CNTNAP4: variants seen among roughly 807,000 people sequenced by gnomAD.
CNTNAP4 encodes the protein contactin-associated protein-like 4.
Under a neutral mutation model 148.4 loss-of-function variants are expected in CNTNAP4, and 98 were observed. The observed-to-expected ratio is 0.66, with a 90% CI of 0.56 to 0.78. The LOEUF (loss-of-function observed/expected upper bound fraction) is 0.78, where lower values mean the gene tolerates loss of function less well. Among genes scored for constraint, CNTNAP4 ranks in the 30% least tolerant of loss-of-function variants. CNTNAP4 has a pLI of 0.00. For missense variants in CNTNAP4, 1,935 were observed against 1,565.6 expected (o/e 1.24, Z -3.98); for synonymous variants, 730 against 565.1 (o/e 1.29, Z -4.14).
intron 13 of CNTNAP4, among the ~76,000 whole-genome samples, chr16:76,491,847 T>A (rs949339863): frequency 1.1e-5 from 1 of 87,692 alleles, no homozygotes; most frequent in Non-Finnish European, 2.8e-5. Context: ...GGCTGAATGA[T>A]ATCCCATTGT....
intron 2 of CNTNAP4, among the ~76,000 whole-genome samples, chr16:76,341,088 C>T (rs1401694868): frequency 6.6e-6 from 1 of 152,180 alleles, no homozygotes; most frequent in Non-Finnish European, 1.5e-5. Flanking sequence ...TGCCTCTGCT[C>T]TTTTTATGGG....
intron 1 of CNTNAP4, among the ~76,000 whole-genome samples, chr16:76,312,337 G>C (rs1961215537): frequency 6.6e-6 from 1 of 152,154 alleles, no homozygotes; most frequent in South Asian, 2.1e-4. Flanking sequence ...ATTACCTCTG[G>C]TTGAGAACCT....
rs544743374 is a variant in CNTNAP4, at chr16:76,294,169, G to T, written c.85+16422G>T. ...TCTTCCAGTCAGGGTGGTGAGGTAC[G>T]ATGATAAATGTGTCGCAATCCCTGC... On this transcript the variant is annotated intron_variant, in intron 1 of 23. Coordinates refer to ENST00000611870, the MANE Select transcript of CNTNAP4 (RefSeq NM_033401.5). 6.4e-4 allele frequency among the ~76,000 whole-genome samples: 98 copies of T among 152,252 alleles called. 1 individual carries two copies. The South Asian group carries it at 0.019, about 30-fold the overall frequency.
intron 3 of CNTNAP4, among the ~76,000 whole-genome samples, chr16:76,406,049 G>C (rs4517823): frequency 0.73 from 111,151 of 151,828 alleles, 42,244 homozygotes; most frequent in Non-Finnish European, 0.84. Flanking sequence ...AACTATGTCT[G>C]TACAAAAAAT....
chr16:76,317,251 TCAAAAAAAAAAAA>T lies in CNTNAP4; in HGVS notation c.196+741_196+753del, dbSNP rs1961862092. Among the ~76,000 whole-genome samples, 49 of 49,554 alleles carry T rather than the reference TCAAAAAAAAAAAA, an allele frequency of 9.9e-4. 1 individual carries two copies. The Admixed American group carries it at 0.017, about 17-fold the overall frequency. 32.5% of individuals were successfully genotyped at this position (49,554 alleles called of 152,430 possible). ...CTGGGCGACAAAGTGAGACCCTGTCTCAAAAAAAAAAAACAAAAAAAAAAACCAAAAAAAAAAA... is the reference window on the plus strand; with the variant it reads ...CTGGGCGACAAAGTGAGACCCTGTCTCAAAAAAAAAAACCAAAAAAAAAAA... On this transcript the variant is annotated intron_variant, in intron 2 of 23. Transcript: ENST00000611870.
intron 4 of CNTNAP4, among the ~76,000 whole-genome samples, chr16:76,438,917 T>G: frequency 6.6e-6 from 1 of 152,240 alleles, no homozygotes; most frequent in Middle Eastern, 3.2e-3. Flanking sequence ...CATTTGTCTG[T>G]ACATGTGTAC....
At chr16:76,342,177 T>C (rs1964519946) in intron 2 of CNTNAP4, among the ~76,000 whole-genome samples, 1 of 152,170 alleles carries the variant, frequency 6.6e-6, no homozygotes, top group Non-Finnish European at 1.5e-5. Context: ...TTCCCCTAAA[T>C]ATAATGCCCC....
At position 76,494,917 on chromosome 16, in the gene CNTNAP4, C is replaced by G. The variant is rs757695172; in HGVS notation, c.2088C>G (p.Thr696=). 4.3e-6 allele frequency: 7 copies of G among 1,611,762 alleles called. No individual in the cohort carries two copies. In the South Asian group the frequency reaches 6.6e-5, roughly 15 times the overall value. The change falls in exon 14 of 24, where the codon ACC becomes ACG. Residue 696 remains threonine (T), a synonymous_variant. Coordinates refer to ENST00000611870, the MANE Select transcript of CNTNAP4 (RefSeq NM_033401.5). ...TTCACGTTTTTCTTTCAGATGGAAC[C>G]CCTCTGAGTTGGTGGGTAGGAAGAA... ...KSRLVNKQDG[T]PLSWWVGRTN...
At chr16:76,358,100 A>G (rs1182273643) in intron 3 of CNTNAP4, among the ~76,000 whole-genome samples, 1 of 152,174 alleles carries the variant, frequency 6.6e-6, no homozygotes, top group East Asian at 1.9e-4. Context: ...TTGGGAGGCC[A>G]AGGTGGAAGG....
chr16:76,294,770 A>T (rs904313295), intron 1 of CNTNAP4, among the ~76,000 whole-genome samples: 2 of 152,168 alleles, frequency 1.3e-5, no homozygotes, highest in African/African-American at 4.8e-5. Context: ...AATAGTTAGT[A>T]AGCCTCCACA....
chr16:76,285,670 G>A (rs1958851181), intron 1 of CNTNAP4, among the ~76,000 whole-genome samples: 1 of 151,930 alleles, frequency 6.6e-6, no homozygotes, highest in Non-Finnish European at 1.5e-5. Context: ...AAATTCACCT[G>A]CCTTCCTAAA....
chr16:76,539,437 G>C (rs1345630583), intron 19 of CNTNAP4, among the ~76,000 whole-genome samples: 2 of 152,046 alleles, frequency 1.3e-5, no homozygotes, highest in Admixed American at 6.6e-5. Context: ...TTTTTTAAGT[G>C]AGAGGCAAGT....
chr16:76,449,233 A>G (rs181213868), intron 6 of CNTNAP4, among the ~76,000 whole-genome samples: 2 of 152,296 alleles, frequency 1.3e-5, no homozygotes, highest in African/African-American at 4.8e-5. Flanking sequence ...TCTGCACCAA[A>G]AAAATCTTAT....
At chr16:76,466,799 A>G (rs996016289) in intron 9 of CNTNAP4, among the ~76,000 whole-genome samples, 1 of 152,162 alleles carries the variant, frequency 6.6e-6, no homozygotes, top group East Asian at 1.9e-4. Context: ...AAGACTTACT[A>G]AAATCCTTGT....
chr16:76,360,619 G>C (rs1301600121), intron 3 of CNTNAP4, among the ~76,000 whole-genome samples: 2 of 152,218 alleles, frequency 1.3e-5, no homozygotes, highest in Non-Finnish European at 2.9e-5. Flanking sequence ...TACTTGCTTA[G>C]TACTTGGCAA....
At chr16:76,476,299 T>A (rs2081575786) in intron 11 of CNTNAP4, among the ~76,000 whole-genome samples, 1 of 152,206 alleles carries the variant, frequency 6.6e-6, no homozygotes, top group Non-Finnish European at 1.5e-5. Flanking sequence ...AGAACGTGAA[T>A]TTTGTTATCT....
intron 3 of CNTNAP4, among the ~76,000 whole-genome samples, chr16:76,372,306 A>T (rs1442146362): frequency 2.8e-5 from 4 of 140,448 alleles, no homozygotes; most frequent in Non-Finnish European, 4.6e-5. Context: ...GGCCCAGCTA[A>T]TTTTTTTTTT....
rs115402903 is a variant in CNTNAP4 at position 76,401,832 on chromosome 16, G to A, written c.391-25620G>A. 7.0e-3 allele frequency among the ~76,000 whole-genome samples: 1,065 copies of A among 152,162 alleles called. 5 individuals carry two copies. Among genetic ancestry groups the A allele is most frequent in the African/African-American group, 0.025 (1,017 of 41,496 alleles). ...TTTTTGTCTTTAGTTCTGTTTATGCGATGAATCACACTTATTGATTTGCAT... is the reference window on the plus strand; with the variant it reads ...TTTTTGTCTTTAGTTCTGTTTATGCAATGAATCACACTTATTGATTTGCAT... On this transcript the variant is annotated intron_variant, in intron 3 of 23. Transcript: ENST00000611870.
At chr16:76,328,237 T>C (rs1364033764) in intron 2 of CNTNAP4, among the ~76,000 whole-genome samples, 1 of 152,196 alleles carries the variant, frequency 6.6e-6, no homozygotes, top group Non-Finnish European at 1.5e-5. Flanking sequence ...ATAAATTATA[T>C]TGATAGTATG....
Sources: gnomAD v4.1 joint callset for allele counts (sites outside exome capture counted in the v4.1 genomes callset) on GRCh38, gnomAD v4.1.1 for gene constraint, MANE v1.5 for transcripts, NCBI Gene and HGNC (gene_info 2026-07-23, HGNC 2026-07-21) for gene names.